Variants in FAM228B observed in about 807,000 individuals in gnomAD.
FAM228B encodes the protein family with sequence similarity 228 member B.
FAM228B carries 38 observed loss-of-function variants against 42.6 expected under a neutral mutation model. That is an observed-to-expected ratio of 0.89 (90% confidence interval 0.69 to 1.17). FAM228B has a LOEUF of 1.17. Ranked by LOEUF, FAM228B falls within the 50% of genes most tolerant of loss-of-function variation. FAM228B has a pLI of 0.00. For missense variants in FAM228B, 344 were observed against 367.3 expected, an observed-to-expected ratio of 0.94 and a Z score of 0.52; for synonymous variants, 109 against 122.3, an observed-to-expected ratio of 0.89 and a Z score of 0.72.
intron 9 of FAM228B, 149 bp downstream of exon 9, chr2:24,164,484 T>G: frequency 1.2e-6 from 1 of 853,320 alleles, no homozygotes. Context: ...GAGGGGCAGG[T>G]GCCCTTTATT....
At chr2:24,152,360 A>G (rs6757275) in intron 7 of FAM228B, among the ~76,000 whole-genome samples, 42,243 of 152,082 alleles carry the variant, frequency 0.28, 6,489 homozygotes, top group Non-Finnish European at 0.35. Context: ...TGGTATGTCT[A>G]TATTTTCCTG....
chr2:24,139,366 A>G lies in FAM228B; in HGVS notation c.361-4A>G. 6.6e-7 allele frequency: 1 copy of G among 1,517,464 alleles called. No homozygotes were observed. Among genetic ancestry groups the G allele is most frequent in the African/African-American group, 1.4e-5 (1 of 72,380 alleles). The allele number at this position is 1,517,464 out of a possible 1,614,324, so 94.0% of individuals were successfully genotyped here. On this transcript the variant is annotated splice_polypyrimidine_tract_variant and splice_region_variant and intron_variant, in intron 4 of 10. Coordinates refer to ENST00000615575, the MANE Select transcript of FAM228B (RefSeq NM_001145710.2). ...TTGTGTATCGTTTTATTTCCTTGCTATAGGGAAATGCATTTATAGAACATT... is the reference window on the plus strand; with the variant it reads ...TTGTGTATCGTTTTATTTCCTTGCTGTAGGGAAATGCATTTATAGAACATT...
intron 5 of FAM228B, among the ~76,000 whole-genome samples, chr2:24,143,122 A>G (rs1429625787): frequency 6.6e-6 from 1 of 152,088 alleles, no homozygotes; most frequent in East Asian, 1.9e-4. Context: ...AATATCCACG[A>G]TGATCTAAAA....
At chr2:24,154,368 T>C (rs1409797678) in intron 7 of FAM228B, among the ~76,000 whole-genome samples, 1 of 152,252 alleles carries the variant, frequency 6.6e-6, no homozygotes, top group Non-Finnish European at 1.5e-5. Flanking sequence ...TCTTCTTTGG[T>C]GAGGTGTCTG....
intron 3 of FAM228B, among the ~76,000 whole-genome samples, chr2:24,114,941 C>T (rs1665866977): frequency 1.3e-5 from 2 of 152,098 alleles, no homozygotes; most frequent in South Asian, 4.1e-4. Context: ...GAAGGCCTTT[C>T]CAATGTTCAA....
intron 10 of FAM228B, among the ~76,000 whole-genome samples, chr2:24,168,742 G>GGA (rs1667490625): frequency 1.3e-5 from 2 of 152,256 alleles, no homozygotes; most frequent in South Asian, 2.1e-4. Flanking sequence ...TGATGATGCT[G>GGA]GAGAGAGAGG....
chr2:24,145,834 G>T (rs989483390), intron 5 of FAM228B, among the ~76,000 whole-genome samples: 2 of 151,340 alleles, frequency 1.3e-5, no homozygotes, highest in Non-Finnish European at 2.9e-5. Context: ...GACTATAGGC[G>T]CCCGCCACCA....
At chr2:24,078,480 TAAA>T (rs36089798) in intron 1 of FAM228B, among the ~76,000 whole-genome samples, 13,146 of 104,912 alleles carry the variant, frequency 0.13, 692 homozygotes, top group South Asian at 0.19. Flanking sequence ...CCTGTCTCCA[TAAA>T]AAAAAAAAAA....
chr2:24,099,163 C>T lies in FAM228B; in HGVS notation c.-121+3934C>T, dbSNP rs540689115. On this transcript the variant is annotated intron_variant, in intron 3 of 10. Coordinates refer to the FAM228B transcript ENST00000613899. ...TAATAAGAGCTATTTATGACAACCC[C>T]CAGCCAATATCATACTGAATGGGGA... Among the ~76,000 whole-genome samples, 3 of 151,780 alleles carry T rather than the reference C, an allele frequency of 2.0e-5. No homozygotes were observed. The East Asian group carries it at 5.8e-4, about 29-fold the overall frequency.
intron 3 of FAM228B, among the ~76,000 whole-genome samples, chr2:24,111,113 T>C (rs970192221): frequency 6.6e-6 from 1 of 152,036 alleles, no homozygotes; most frequent in African/African-American, 2.4e-5. Flanking sequence ...TAGGCTAGAA[T>C]ATAGTGGCAT....
intron 5 of FAM228B, among the ~76,000 whole-genome samples, chr2:24,141,535 C>T (rs1162489610): frequency 2.0e-5 from 3 of 152,034 alleles, no homozygotes; most frequent in African/African-American, 4.8e-5. Flanking sequence ...TGAGCCACCG[C>T]GCCCGGCCTA....
At chr2:24,152,301 A>G (rs1667043360) in intron 7 of FAM228B, among the ~76,000 whole-genome samples, 1 of 152,214 alleles carries the variant, frequency 6.6e-6, no homozygotes. Context: ...GAAAGGTCAT[A>G]TATCTCTGTT....
chr2:24,088,221 G>A (rs1217510060), intron 2 of FAM228B, among the ~76,000 whole-genome samples: 1 of 151,844 alleles, frequency 6.6e-6, no homozygotes, highest in Admixed American at 6.6e-5. Flanking sequence ...TTCCCAGCTG[G>A]TGAACACATC....
intron 7 of FAM228B, among the ~76,000 whole-genome samples, chr2:24,161,004 A>G (rs1339610743): frequency 6.6e-6 from 1 of 152,238 alleles, no homozygotes; most frequent in East Asian, 1.9e-4. Context: ...CAGTAAATCA[A>G]TCTCCATCAT....
intron 3 of FAM228B, among the ~76,000 whole-genome samples, chr2:24,098,176 A>G (rs1043480452): frequency 2.0e-5 from 3 of 152,216 alleles, no homozygotes; most frequent in Admixed American, 1.3e-4. Context: ...CCACAAGAGA[A>G]AGCAGGAAAG....
rs1426094229 is a variant in FAM228B at position 24,084,438 on chromosome 2, G to C, written c.-210+3483G>C. The C allele has an allele frequency of 3.7e-6, 5 of 1,338,186 alleles. No homozygotes were observed. The highest frequency in any genetic ancestry group is 3.9e-6 in the Non-Finnish European group (4 of 1,017,228). The allele number at this position is 1,338,186 out of a possible 1,614,324, so 82.9% of individuals were successfully genotyped here. A position where few individuals can be genotyped will look rare whatever the true frequency, so the allele number is the denominator to read the frequency against. On this transcript the variant is annotated intron_variant, in intron 2 of 10. Coordinates refer to the FAM228B transcript ENST00000613899. This position sits in a 1 kb window ranked among gnomAD's most constrained non-coding sequence, Gnocchi z 8.4. The stretch of plus-strand genomic sequence containing the variant: ...GGGCAGGGGCCGCTGTATCCTCGCG[G>C]AGCAGCCCAGCCTCAGGCTGGCACC...
At chr2:24,082,798 G>A in intron 2 of FAM228B, 1 of 1,474,024 alleles carries the variant, frequency 6.8e-7, no homozygotes, top group Non-Finnish European at 9.0e-7. Context: ...GCCTGGGAGT[G>A]CCCTGGGGGA....
At chr2:24,141,288 G>A (rs896835994) in intron 5 of FAM228B, among the ~76,000 whole-genome samples, 4 of 152,112 alleles carry the variant, frequency 2.6e-5, no homozygotes, top group African/African-American at 9.7e-5. Flanking sequence ...CTGTCACCCA[G>A]GTTGGAGTGC....
chr2:24,150,428 TTTA>T (rs1431968859), intron 7 of FAM228B, among the ~76,000 whole-genome samples: 2 of 152,014 alleles, frequency 1.3e-5, no homozygotes, highest in Non-Finnish European at 2.9e-5. Flanking sequence ...TTTATTTTAT[TTTA>T]TTATTATTTT....
Sources: gnomAD v4.1 joint callset for allele counts (sites outside exome capture counted in the v4.1 genomes callset) on GRCh38, gnomAD v4.1.1 for gene constraint, Gnocchi (gnomAD v3.1) non-coding constraint, MANE v1.5 for transcripts, NCBI Gene and HGNC (gene_info 2026-07-23, HGNC 2026-07-21) for gene names.